SGCG: variants seen among roughly 807,000 people sequenced by gnomAD.
SGCG encodes the protein gamma-sarcoglycan.
SGCG carries 26 observed loss-of-function variants against 29.3 expected under a neutral mutation model. That is an observed-to-expected ratio of 0.89 (90% confidence interval 0.65 to 1.23). The LOEUF is 1.23. SGCG is among the 50% of genes most tolerant of loss of function. SGCG has a pLI of 0.00. For missense variants in SGCG, 353 were observed against 356.0 expected (o/e 0.99, Z 0.07); for synonymous variants, 145 against 129.7 (o/e 1.12, Z -0.80).
intron 4 of SGCG, among the ~76,000 whole-genome samples, chr13:23,265,786 T>C (rs1056217740): frequency 6.6e-6 from 1 of 152,050 alleles, no homozygotes; most frequent in Non-Finnish European, 1.5e-5. Context: ...TTGATACGAA[T>C]GTGGTGAAAA....
chr13:23,320,728 A>G lies in SGCG; in HGVS notation c.670A>G (p.Met224Val), dbSNP rs372188878. ...TGGGAAAATTGAGGCGCTTTCTCAA[A>G]TGGATATTCTTTTTCATAGTAGTGA... ...HAGKIEALSQ[M>V]DILFHSSDGM... is the part of the protein sequence containing the mutation. The change falls in exon 7 of 8, where the codon ATG becomes GTG. Residue 224 changes from methionine (M) to valine (V), a missense_variant. Coordinates refer to ENST00000218867, the MANE Select transcript of SGCG (RefSeq NM_000231.3). The G allele has an allele frequency of 4.0e-5, 64 of 1,613,600 alleles. No individual in the cohort carries two copies. The highest frequency in any genetic ancestry group is 5.3e-5 in the Non-Finnish European group (63 of 1,179,858).
At chr13:23,226,962 G>A (rs1476944378) in intron 2 of SGCG, among the ~76,000 whole-genome samples, 1 of 152,128 alleles carries the variant, frequency 6.6e-6, no homozygotes, top group Non-Finnish European at 1.5e-5. Context: ...GCAAATTTTA[G>A]GACAATGAAT....
chr13:23,171,372 C>CTGTTAAGTA, the SGCG span, among the ~76,000 whole-genome samples: 3 of 152,200 alleles, frequency 2.0e-5, 1 homozygote, highest in African/African-American at 4.8e-5. Context: ...CTTAACATTA[C>CTGTTAAGTA]ACTGCTGTTA....
chr13:23,193,345 C>G (rs912564508), intron 1 of SGCG, among the ~76,000 whole-genome samples: 3 of 152,152 alleles, frequency 2.0e-5, no homozygotes, highest in Admixed American at 2.0e-4. Flanking sequence ...CAATGGTCCT[C>G]TTGTTGGGTG....
chr13:23,233,551 T>C (rs1362155753), intron 2 of SGCG, among the ~76,000 whole-genome samples: 2 of 152,102 alleles, frequency 1.3e-5, no homozygotes, highest in Admixed American at 6.6e-5. Flanking sequence ...AGTTGTTTAA[T>C]GGGTATAGTG....
intron 4 of SGCG, among the ~76,000 whole-genome samples, chr13:23,266,210 T>G (rs1422223458): frequency 6.6e-6 from 1 of 151,200 alleles, no homozygotes; most frequent in Admixed American, 6.6e-5. Context: ...AGGTGGAGGT[T>G]GCAGTGAGCC....
At chr13:23,281,834 C>T (rs1881316361) in intron 5 of SGCG, among the ~76,000 whole-genome samples, 1 of 152,202 alleles carries the variant, frequency 6.6e-6, no homozygotes, top group Admixed American at 6.5e-5. Context: ...GCCCACTGCT[C>T]ACCTCCTGCT....
chr13:23,302,721 A>G (rs943781146), intron 6 of SGCG, among the ~76,000 whole-genome samples: 1 of 152,306 alleles, frequency 6.6e-6, no homozygotes, highest in African/African-American at 2.4e-5. Context: ...GTAAAATTGT[A>G]TAAAACTACA....
intron 1 of SGCG, among the ~76,000 whole-genome samples, chr13:23,200,250 C>T (rs1220992676): frequency 6.6e-6 from 1 of 152,038 alleles, no homozygotes; most frequent in African/African-American, 2.4e-5. Flanking sequence ...TGGTGAAACC[C>T]CGTCTCTACT....
chr13:23,181,973 A>G (rs2137464972), intron 1 of SGCG, among the ~76,000 whole-genome samples: 1 of 152,286 alleles, frequency 6.6e-6, no homozygotes, highest in Non-Finnish European at 1.5e-5. Context: ...AAGTAATGCT[A>G]CAAGTTGGGG....
At chr13:23,265,173 A>G (rs1880588249) in intron 4 of SGCG, among the ~76,000 whole-genome samples, 1 of 152,204 alleles carries the variant, frequency 6.6e-6, no homozygotes, top group African/African-American at 2.4e-5. Flanking sequence ...GCATCTGACA[A>G]AGGACTAATA....
chr13:23,265,879 A>G (rs1880619416), intron 4 of SGCG, among the ~76,000 whole-genome samples: 1 of 152,204 alleles, frequency 6.6e-6, no homozygotes, highest in South Asian at 2.1e-4. Flanking sequence ...TCAAAGAACT[A>G]AAAGTAGATT....
intron 6 of SGCG, among the ~76,000 whole-genome samples, chr13:23,303,452 C>T (rs904812780): frequency 1.7e-4 from 26 of 152,214 alleles, no homozygotes; most frequent in African/African-American, 5.8e-4. Flanking sequence ...GCTCTCTGCC[C>T]ACAGGCATGT....
chr13:23,222,955 G>A (rs372700915), intron 2 of SGCG, among the ~76,000 whole-genome samples: 5 of 151,994 alleles, frequency 3.3e-5, no homozygotes, highest in African/African-American at 1.2e-4. Context: ...ATTCAGAATG[G>A]GCTTCTCAAC....
rs762777463 is a variant in SGCG at position 23,203,780 on chromosome 13, A to AT, written c.87dup (p.Gly30TrpfsTer30). ...CAGTATGTCTACAAAATTGGCATTT[A>AT]TGGCTGGAGAAAGCGCTGTCTCTAC... On this transcript the variant is annotated frameshift_variant, in exon 2 of 8. Transcript: ENST00000218867. LOFTEE classifies it high-confidence loss of function. 2.5e-6 allele frequency: 4 copies of AT among 1,613,814 alleles called. No homozygotes were observed. The highest frequency in any genetic ancestry group is 3.4e-6 in the Non-Finnish European group (4 of 1,179,854).
chr13:23,196,427 T>G (rs1005279360), intron 1 of SGCG, among the ~76,000 whole-genome samples: 2 of 152,180 alleles, frequency 1.3e-5, no homozygotes, highest in Admixed American at 6.5e-5. Flanking sequence ...AGCATGTCTC[T>G]TTTTCAAACA....
At chr13:23,252,155 A>G in intron 4 of SGCG, among the ~76,000 whole-genome samples, 1 of 152,224 alleles carries the variant, frequency 6.6e-6, no homozygotes, top group Admixed American at 6.5e-5. Flanking sequence ...AAAACAAATT[A>G]TATTTTCTTG....
intron 6 of SGCG, among the ~76,000 whole-genome samples, chr13:23,297,844 A>T (rs1481918370): frequency 6.6e-6 from 1 of 151,594 alleles, no homozygotes; most frequent in Non-Finnish European, 1.5e-5. Context: ...TCCCGGATTC[A>T]AGCGATTCTC....
intron 1 of SGCG, among the ~76,000 whole-genome samples, chr13:23,199,014 A>T (rs1230812079): frequency 4.6e-5 from 7 of 151,838 alleles, no homozygotes; most frequent in African/African-American, 1.7e-4. Flanking sequence ...AGGCTGAGGC[A>T]GGAGAATGAC....
Sources: gnomAD v4.1 joint callset for allele counts (sites outside exome capture counted in the v4.1 genomes callset) on GRCh38, gnomAD v4.1.1 for gene constraint, MANE v1.5 for transcripts, NCBI Gene and HGNC (gene_info 2026-07-23, HGNC 2026-07-21) for gene names.